NFAT5: variants seen among roughly 807,000 people sequenced by gnomAD.
NFAT5 encodes the protein nuclear factor of activated T-cells 5.
A neutral mutation model predicts 166.5 loss-of-function variants in NFAT5; 31 were observed. That is an observed-to-expected ratio of 0.19 (90% CI 0.14 to 0.25). The LOEUF (loss-of-function observed/expected upper bound fraction) is 0.25. Among genes scored for constraint, NFAT5 ranks in the 10% least tolerant of loss-of-function variants. NFAT5 has a pLI of 1.00. For missense variants in NFAT5, 1,449 were observed against 1,821.8 expected (o/e 0.80, Z 3.72); for synonymous variants, 612 against 639.7 (o/e 0.96, Z 0.65).
intron 2 of NFAT5, among the ~76,000 whole-genome samples, chr16:69,598,885 G>T (rs147391827): frequency 4.6e-5 from 7 of 151,826 alleles, no homozygotes; most frequent in Admixed American, 4.6e-4. Flanking sequence ...GCGATGGTGC[G>T]TGCCTGTAAT....
At position 69,566,521 on chromosome 16, in the gene NFAT5, C is replaced by G. The variant is rs1179352830; in HGVS notation, c.73+147C>G. On this transcript the variant is annotated intron_variant, in intron 1 of 14. Coordinates refer to ENST00000349945, the MANE Select transcript of NFAT5 (RefSeq NM_138713.4). This position sits in a 1 kb window ranked among gnomAD's most constrained non-coding sequence, Gnocchi z 5.7. ...TTCTTTGGCCGGAGCGGGCAGAGGC[C>G]GAAGGGATCGGGGTGACGGTGGAGG... 6 of 722,338 alleles carry G rather than the reference C, an allele frequency of 8.3e-6. No homozygotes were observed. In the Admixed American group the frequency reaches 1.3e-4, roughly 15 times the overall value. 44.7% of individuals were successfully genotyped at this position (722,338 alleles called of 1,614,324 possible).
In NFAT5 at chr16:69,647,368, C is replaced by T; in HGVS notation, c.594C>T (p.Pro198=). Reference sequence around the variant, plus strand: ...GCAGTATGTGGATGGAGGATTCCCCCTCCAACTTCAGTAACATGAGCACCA... The same window carrying T: ...GCAGTATGTGGATGGAGGATTCCCCTTCCAACTTCAGTAACATGAGCACCA... ...QSCSMWMEDS[P]SNFSNMSTSS... The change falls in exon 4 of 15, where the codon CCC becomes CCT. Residue 198 remains proline (P), a synonymous_variant. Coordinates refer to ENST00000349945, the MANE Select transcript of NFAT5 (RefSeq NM_138713.4). The surrounding 1 kb of genome is among the most constrained non-coding windows in gnomAD (Gnocchi z 4.8). 1 of 1,614,138 alleles carries T rather than the reference C, an allele frequency of 6.2e-7. No individual in the cohort carries two copies. Among genetic ancestry groups the T allele is most frequent in the Non-Finnish European group, 8.5e-7 (1 of 1,180,026 alleles).
At chr16:69,592,654 T>G (rs1171650420) in intron 2 of NFAT5, among the ~76,000 whole-genome samples, 1 of 152,216 alleles carries the variant, frequency 6.6e-6, no homozygotes, top group African/African-American at 2.4e-5. Flanking sequence ...CTTATGAAAT[T>G]GATAGTTTTC....
At position 69,576,007 on chromosome 16, in the gene NFAT5, G is replaced by A. The variant is rs530353370; in HGVS notation, c.127+7459G>A. ...ATTATATTGACTGTCTTAACAGTCA[G>A]TAAGAACATTTGAGGCCGGGCTCGG... On this transcript the variant is annotated intron_variant, in intron 2 of 14. Transcript: ENST00000349945. 2.6e-5 allele frequency among the ~76,000 whole-genome samples: 4 copies of A among 152,008 alleles called. No homozygotes were observed. The South Asian group carries it at 8.3e-4, about 32-fold the overall frequency.
At chr16:69,605,754 A>G (rs1219419797) in intron 2 of NFAT5, among the ~76,000 whole-genome samples, 2 of 151,126 alleles carry the variant, frequency 1.3e-5, no homozygotes, top group Non-Finnish European at 2.9e-5. Flanking sequence ...TCGCCCAGGC[A>G]GGACTGCGGA....
intron 2 of NFAT5, among the ~76,000 whole-genome samples, chr16:69,620,262 T>C (rs991981081): frequency 6.6e-6 from 1 of 152,252 alleles, no homozygotes; most frequent in Non-Finnish European, 1.5e-5. Flanking sequence ...TATACACATA[T>C]TAATAATTTA....
chr16:69,691,883 G>C lies in NFAT5; in HGVS notation c.2058G>C (p.Lys686Asn), dbSNP rs2151718259. 6.2e-7 allele frequency: 1 copy of C among 1,614,058 alleles called. No homozygotes were observed. Among genetic ancestry groups the C allele is most frequent in the East Asian group, 2.2e-5 (1 of 44,884 alleles). ...ENEKQQQIQP[K>N]AYNPETLTTI... ...AAAAACAGCAGCAGATTCAGCCCAA[G>C]GCATACAACCCAGAGACCCTGACAA... is the stretch of plus-strand genomic sequence containing the variant. Residue 686 changes from lysine to asparagine, a missense_variant, in exon 13 of 15, where the codon AAG becomes AAC. Physicochemically the swap from Lys to Asn is moderately conservative, Grantham distance 94. This residue lies in a region of NFAT5 where 245 missense variants were observed against 366.6 expected (regional missense o/e 0.67). Coordinates refer to ENST00000349945, the MANE Select transcript of NFAT5 (RefSeq NM_138713.4).
rs192843869 is a variant in NFAT5 at position 69,568,234 on chromosome 16, C to T, written c.74-261C>T. 3.3e-5 allele frequency among the ~76,000 whole-genome samples: 5 copies of T among 152,214 alleles called. 1 individual carries two copies. Among genetic ancestry groups the T allele is most frequent in the Admixed American group, 3.3e-4 (5 of 15,292 alleles). On this transcript the variant is annotated intron_variant, in intron 1 of 14. Transcript: ENST00000349945. ...ACTCGGGAGGCTGAGGCACGAGAAC[C>T]ACTTGAATCCGGGAGGCGGAGGTTG...
At chr16:69,576,069 G>A (rs938922439) in intron 2 of NFAT5, among the ~76,000 whole-genome samples, 13 of 151,946 alleles carry the variant, frequency 8.6e-5, no homozygotes, top group African/African-American at 2.9e-4. Flanking sequence ...TTGGGAGGCC[G>A]AGGTGGGCGG....
chr16:69,568,498 C>T lies in NFAT5; in HGVS notation c.77C>T (p.Ser26Phe), dbSNP rs1215595626. 2.5e-6 allele frequency: 4 copies of T among 1,612,100 alleles called. No individual in the cohort carries two copies. The highest frequency in any genetic ancestry group is 1.7e-6 in the Non-Finnish European group (2 of 1,179,160). ...ESPKSLYSRDSLKLHPSQNFH... is the reference protein window; with the variant it reads ...ESPKSLYSRDFLKLHPSQNFH... ...TAATGCTTTTTGTGTTTTTCAGATT[C>T]TCTGAAGTTACACCCATCACAGAAT... Residue 26 changes from serine to phenylalanine, a missense_variant, in exon 2 of 15, where the codon TCT becomes TTT. Physicochemically the swap from Ser to Phe is radical, Grantham distance 155. Around this residue, in one of 7 missense-constraint regions of NFAT5, gnomAD observed 172 missense variants for 194.5 expected, o/e 0.88. Transcript: ENST00000349945.
chr16:69,673,002 C>T (rs2036685880), intron 9 of NFAT5, among the ~76,000 whole-genome samples: 1 of 143,270 alleles, frequency 7.0e-6, no homozygotes. Flanking sequence ...TATCCTCCCT[C>T]CCTACCTCCA....
Position 69,659,742 on chromosome 16 carries a change from G to A in NFAT5, c.1212G>A (p.Gly404=). The A allele has an allele frequency of 1.2e-6, 2 of 1,613,582 alleles. No individual in the cohort carries two copies. Among genetic ancestry groups the A allele is most frequent in the Non-Finnish European group, 1.7e-6 (2 of 1,179,744 alleles). Residue 404 remains glycine (G), a synonymous_variant, in exon 7 of 15, where the codon GGG becomes GGA. Coordinates refer to ENST00000349945, the MANE Select transcript of NFAT5 (RefSeq NM_138713.4). The stretch of plus-strand genomic sequence containing the variant: ...TCTGTATTAGGGTGGACTGCGTAGG[G>A]ATATTGAAATTGAGGAATGCTGATG... ...NNMTLAVDCV[G]ILKLRNADVE...
chr16:69,603,053 T>C (rs909973769), intron 2 of NFAT5, among the ~76,000 whole-genome samples: 1 of 152,198 alleles, frequency 6.6e-6, no homozygotes, highest in African/African-American at 2.4e-5. Context: ...CATGATTGTA[T>C]GTTACATTTT....
intron 2 of NFAT5, among the ~76,000 whole-genome samples, chr16:69,575,253 C>T (rs939181413): frequency 1.3e-5 from 2 of 151,940 alleles, no homozygotes; most frequent in Admixed American, 6.6e-5. Flanking sequence ...GTGCAACCTC[C>T]GTCTCTTGGG....
intron 10 of NFAT5, among the ~76,000 whole-genome samples, chr16:69,678,157 A>C (rs1346263769): frequency 2.0e-5 from 3 of 151,568 alleles, no homozygotes; most frequent in Non-Finnish European, 4.4e-5. Context: ...GACTGTCTCA[A>C]AGACAGAAAA....
chr16:69,641,153 C>G (rs1300983219), intron 3 of NFAT5, among the ~76,000 whole-genome samples: 1 of 151,450 alleles, frequency 6.6e-6, no homozygotes, highest in Non-Finnish European at 1.5e-5. Context: ...TGGCGGGCAC[C>G]TGTAGTCCCA....
At chr16:69,634,120 A>G (rs2034844278) in intron 3 of NFAT5, among the ~76,000 whole-genome samples, 1 of 151,982 alleles carries the variant, frequency 6.6e-6, no homozygotes, top group Non-Finnish European at 1.5e-5. Flanking sequence ...TCTACTAAAA[A>G]TACAAAAATT....
At chr16:69,667,025 A>G (rs1489178993) in intron 7 of NFAT5, among the ~76,000 whole-genome samples, 1 of 151,954 alleles carries the variant, frequency 6.6e-6, no homozygotes, top group Non-Finnish European at 1.5e-5. Flanking sequence ...CTTTGTAGGG[A>G]CATGGATGAA....
At chr16:69,689,110 A>G (rs1415540786) in intron 11 of NFAT5, among the ~76,000 whole-genome samples, 1 of 152,140 alleles carries the variant, frequency 6.6e-6, no homozygotes, top group Non-Finnish European at 1.5e-5. Flanking sequence ...TCTTGTCTCT[A>G]CAAAAAAATT....
Sources: gnomAD v4.1 joint callset for allele counts (sites outside exome capture counted in the v4.1 genomes callset) on GRCh38, gnomAD v4.1.1 for gene constraint, gnomAD v4.1.1 regional missense constraint, Gnocchi (gnomAD v3.1) non-coding constraint, MANE v1.5 for transcripts, NCBI Gene and HGNC (gene_info 2026-07-23, HGNC 2026-07-21) for gene names.